The following CHST9 variants were observed in gnomAD, a reference collection of about 807,000 sequenced individuals.
CHST9 encodes carbohydrate sulfotransferase 9, also known as GalNAc-4-sulfotransferase 2.
In CHST9, 41 loss-of-function variants were observed where a neutral mutation model predicts 44.4. The ratio of observed to expected loss-of-function variants is 0.92; its 90% CI spans 0.72 to 1.20. The LOEUF (loss-of-function observed/expected upper bound fraction) is 1.20, where lower values mean the gene tolerates loss of function less well. Among genes scored for constraint, CHST9 ranks in the 50% most tolerant of loss-of-function variants. The pLI is 0.00. For missense variants in CHST9, 504 were observed against 516.5 expected (o/e 0.98, Z 0.23); for synonymous variants, 171 against 178.4 (o/e 0.96, Z 0.33).
chr18:27,143,570 C>G (rs1168103606), intron 1 of CHST9, among the ~76,000 whole-genome samples: 1 of 151,006 alleles, frequency 6.6e-6, no homozygotes, highest in Admixed American at 6.7e-5. Flanking sequence ...AGAACAATCT[C>G]GTTTAATATA....
chr18:27,050,473 C>T (rs1445016626), intron 2 of CHST9, among the ~76,000 whole-genome samples: 1 of 152,118 alleles, frequency 6.6e-6, no homozygotes, highest in East Asian at 1.9e-4. Flanking sequence ...CACGTTGAAG[C>T]TACATGTAAA....
chr18:26,946,086 T>C (rs1202895085), intron 4 of CHST9, among the ~76,000 whole-genome samples: 1 of 152,122 alleles, frequency 6.6e-6, no homozygotes, highest in Non-Finnish European at 1.5e-5. Context: ...ATAATAAGAA[T>C]CAATTTTCTT....
At chr18:27,156,340 C>A (rs1218199186) in intron 1 of CHST9, among the ~76,000 whole-genome samples, 2 of 152,076 alleles carry the variant, frequency 1.3e-5, no homozygotes, top group East Asian at 1.9e-4. Context: ...GTGAGATATA[C>A]CCTTTAACCT....
chr18:27,033,084 A>G (rs2017801202), intron 3 of CHST9, among the ~76,000 whole-genome samples: 1 of 152,212 alleles, frequency 6.6e-6, no homozygotes. Context: ...CATTTGTAAA[A>G]TTAAAAATTA....
chr18:27,008,796 T>A (rs1393780716), intron 4 of CHST9, among the ~76,000 whole-genome samples: 1 of 152,168 alleles, frequency 6.6e-6, no homozygotes, highest in African/African-American at 2.4e-5. Context: ...AGAAGTATTC[T>A]GGAATACTGG....
At chr18:26,973,404 C>G (rs182786022) in intron 4 of CHST9, among the ~76,000 whole-genome samples, 2 of 152,042 alleles carry the variant, frequency 1.3e-5, no homozygotes, top group Non-Finnish European at 2.9e-5. Context: ...ATCAAGGAGG[C>G]GAAGGTGCGG....
intron 3 of CHST9, 58 bp downstream of exon 3, chr18:27,048,407 T>G (rs868679898): frequency 1.4e-6 from 2 of 1,398,686 alleles, no homozygotes; most frequent in Middle Eastern, 2.0e-4. Context: ...TTTTAAAAAA[T>G]TTAAAGGTGG....
At chr18:27,114,547 C>T (rs772557154) in intron 2 of CHST9, among the ~76,000 whole-genome samples, 2 of 152,162 alleles carry the variant, frequency 1.3e-5, no homozygotes, top group South Asian at 4.1e-4. Flanking sequence ...GTTGTACAAC[C>T]ATCACCACTA....
rs181559786 is a variant in CHST9, at chr18:26,989,689, C to T, written c.202+34427G>A. Among the ~76,000 whole-genome samples, 226 of 152,334 alleles carry T rather than the reference C, an allele frequency of 1.5e-3. 10 individuals are homozygous for T. The highest frequency in any genetic ancestry group is 0.013 in the Admixed American group (204 of 15,300). The stretch of plus-strand genomic sequence containing the variant: ...GCAACTCAAATATTCATCGAGGCTG[C>T]GCCTGGTGGCTCATGCCTGTAATCC... On this transcript the variant is annotated intron_variant, in intron 4 of 5. Transcript: ENST00000618847.
At chr18:27,001,295 A>G (rs867577765) in intron 4 of CHST9, among the ~76,000 whole-genome samples, 7 of 152,154 alleles carry the variant, frequency 4.6e-5, no homozygotes, top group African/African-American at 1.7e-4. Flanking sequence ...TAAGAGGAGG[A>G]AGAGAAATAA....
At chr18:27,065,915 A>C (rs1193627115) in intron 2 of CHST9, among the ~76,000 whole-genome samples, 1 of 152,174 alleles carries the variant, frequency 6.6e-6, no homozygotes, top group East Asian at 1.9e-4. Context: ...CTTGGGGTTG[A>C]TATACATCAG....
rs2058580084 is a variant in CHST9, at chr18:27,142,905, C to T, written c.-96G>A. 8.5e-7 allele frequency: 1 copy of T among 1,174,710 alleles called. No homozygotes were observed. The highest frequency in any genetic ancestry group is 1.7e-5 in the South Asian group (1 of 57,676). 72.8% of individuals were successfully genotyped at this position (1,174,710 alleles called of 1,614,324 possible). On this transcript the variant is annotated splice_region_variant and 5_prime_UTR_variant, in exon 2 of 6. Coordinates refer to ENST00000618847, the MANE Select transcript of CHST9 (RefSeq NM_031422.6). ...CTAAGAGCCCAATTCCATAAAGTAACCTAGAATTTTAAAAAGAAATCTACA... is the reference window on the plus strand; with the variant it reads ...CTAAGAGCCCAATTCCATAAAGTAATCTAGAATTTTAAAAAGAAATCTACA...
intron 2 of CHST9, among the ~76,000 whole-genome samples, chr18:27,115,385 A>C (rs1169896021): frequency 2.0e-5 from 3 of 152,224 alleles, no homozygotes; most frequent in Non-Finnish European, 4.4e-5. Flanking sequence ...CTAAGAATGG[A>C]ATAGCTGGTT....
Position 27,038,021 on chromosome 18 carries a change from T to C in CHST9, c.160+10444A>G, listed in dbSNP as rs574721897. On this transcript the variant is annotated intron_variant, in intron 3 of 5. Coordinates refer to ENST00000618847, the MANE Select transcript of CHST9 (RefSeq NM_031422.6). Reference sequence around the variant, plus strand: ...GAATAGGACATTACTGGTACTTTAATGTGAAACCAGGACCTAATACACATA... The same window carrying C: ...GAATAGGACATTACTGGTACTTTAACGTGAAACCAGGACCTAATACACATA... 7.9e-5 allele frequency among the ~76,000 whole-genome samples: 12 copies of C among 152,300 alleles called. 1 individual carries two copies. The highest frequency in any genetic ancestry group is 2.4e-4 in the African/African-American group (10 of 41,568).
intron 2 of CHST9, among the ~76,000 whole-genome samples, chr18:27,090,662 A>G (rs1410187093): frequency 6.6e-6 from 1 of 152,216 alleles, no homozygotes; most frequent in Non-Finnish European, 1.5e-5. Context: ...CTTTCTACAT[A>G]TGGCAAGCCA....
intron 4 of CHST9, among the ~76,000 whole-genome samples, chr18:26,956,336 T>C (rs2056323872): frequency 7.1e-6 from 1 of 139,954 alleles, no homozygotes; most frequent in Non-Finnish European, 1.5e-5. Context: ...AATATATATA[T>C]ATATATATAC....
At chr18:26,930,503 A>T (rs2055857683) in intron 5 of CHST9, among the ~76,000 whole-genome samples, 2 of 152,116 alleles carry the variant, frequency 1.3e-5, no homozygotes, top group African/African-American at 4.8e-5. Flanking sequence ...TATCATCTTT[A>T]TTTTTTAGAA....
At chr18:27,011,415 G>A (rs1392389254) in intron 4 of CHST9, among the ~76,000 whole-genome samples, 2 of 152,080 alleles carry the variant, frequency 1.3e-5, no homozygotes, top group East Asian at 3.9e-4. Context: ...TGCCGCCCAG[G>A]CAGAATAGAA....
intron 2 of CHST9, among the ~76,000 whole-genome samples, chr18:27,080,762 G>A (rs2057952492): frequency 6.6e-6 from 1 of 152,170 alleles, no homozygotes; most frequent in Non-Finnish European, 1.5e-5. Flanking sequence ...TGGGAGAAAT[G>A]GCAGAATGCA....
Sources: gnomAD v4.1 joint callset for allele counts (sites outside exome capture counted in the v4.1 genomes callset) on GRCh38, gnomAD v4.1.1 for gene constraint, MANE v1.5 for transcripts, NCBI Gene and HGNC (gene_info 2026-07-23, HGNC 2026-07-21) for gene names.